Variants in EDA observed in about 807,000 individuals in gnomAD.
EDA encodes ectodysplasin-A.
A neutral mutation model predicts 23.6 loss-of-function variants in EDA; 2 were observed. That is an observed-to-expected ratio of 0.08 (90% CI 0.03 to 0.27). The LOEUF (loss-of-function observed/expected upper bound fraction) is 0.27. Among genes scored for constraint, EDA ranks in the 10% least tolerant of loss-of-function variants. EDA has a pLI of 1.00. For synonymous variants in EDA, 131 were observed against 132.0 expected (o/e 0.99, Z 0.05); for missense variants, 229 against 324.2 (o/e 0.71, Z 2.26).
intron 1 of EDA, chrX:69,670,151 A>T: frequency 3.3e-6 from 1 of 306,714 alleles, no homozygotes; most frequent in Non-Finnish European, 5.6e-6. Context: ...TCTGAATGAC[A>T]GACTTGCTGG....
intron 2 of EDA, among the ~76,000 whole-genome samples, chrX:69,963,712 T>C (rs2019136651): frequency 8.9e-6 from 1 of 111,987 alleles, no homozygotes; most frequent in African/African-American, 3.2e-5. Flanking sequence ...TTAACAAGCA[T>C]TTTTAGAATA....
intron 2 of EDA, among the ~76,000 whole-genome samples, chrX:69,958,685 A>G (rs1278432873): frequency 9.0e-6 from 1 of 111,606 alleles, no homozygotes; most frequent in Non-Finnish European, 1.9e-5. Flanking sequence ...AATGCAGTCC[A>G]TGTAGTAAAA....
chrX:69,714,811 T>C (rs1310072614), intron 1 of EDA, among the ~76,000 whole-genome samples: 1 of 111,487 alleles, frequency 9.0e-6, no homozygotes, highest in Admixed American at 9.6e-5. Flanking sequence ...AGTGTTAATA[T>C]GTGCTAGAGT....
intron 1 of EDA, among the ~76,000 whole-genome samples, chrX:69,952,572 C>T (rs898140384): frequency 6.2e-5 from 7 of 112,093 alleles, no homozygotes; most frequent in African/African-American, 2.3e-4. Flanking sequence ...AAACCATGAA[C>T]TATGTTCAAA....
intron 2 of EDA, among the ~76,000 whole-genome samples, chrX:69,991,225 G>A (rs764766509): frequency 9.0e-5 from 10 of 111,097 alleles, no homozygotes; most frequent in Non-Finnish European, 1.7e-4. Context: ...ATTATGATGC[G>A]TGATTTTTTT....
intron 1 of EDA, among the ~76,000 whole-genome samples, chrX:69,839,535 C>A (rs778209391): frequency 8.9e-6 from 1 of 112,513 alleles, no homozygotes; most frequent in Non-Finnish European, 1.9e-5. Flanking sequence ...TGCCTTGTCA[C>A]AAGAGTAATA....
At chrX:69,814,105 T>C (rs1404309699) in intron 1 of EDA, among the ~76,000 whole-genome samples, 1 of 112,975 alleles carries the variant, frequency 8.9e-6, no homozygotes, top group East Asian at 2.8e-4. Flanking sequence ...ATCATGTTGC[T>C]ACATTTTGGC....
chrX:69,937,738 T>C, intron 1 of EDA: 1 of 1,191,696 alleles, frequency 8.4e-7, no homozygotes, highest in Non-Finnish European at 1.1e-6. Flanking sequence ...AACTGCCAAG[T>C]TGAAGTTCCT....
At chrX:69,680,168 G>C (rs1373795828) in intron 1 of EDA, among the ~76,000 whole-genome samples, 1 of 103,951 alleles carries the variant, frequency 9.6e-6, no homozygotes, top group African/African-American at 3.6e-5. Flanking sequence ...TAGTTTGATT[G>C]CACTGTGGTC....
chrX:69,682,573 G>T (rs1369554321), intron 1 of EDA, among the ~76,000 whole-genome samples: 1 of 112,090 alleles, frequency 8.9e-6, no homozygotes, highest in Admixed American at 9.4e-5. Flanking sequence ...GGGTGGGAGT[G>T]ACCCGATTTT....
chrX:69,681,516 C>T (rs1404578267), intron 1 of EDA, among the ~76,000 whole-genome samples: 1 of 111,053 alleles, frequency 9.0e-6, no homozygotes, highest in Non-Finnish European at 1.9e-5. Context: ...AGGCTTTGCT[C>T]GTTTCTTTTT....
At chrX:69,711,914 A>C (rs1385362770) in intron 1 of EDA, among the ~76,000 whole-genome samples, 1 of 110,926 alleles carries the variant, frequency 9.0e-6, no homozygotes, top group East Asian at 2.8e-4. Context: ...CTAGCAGTCT[A>C]TCAATTTTGT....
intron 1 of EDA, among the ~76,000 whole-genome samples, chrX:69,783,132 A>C (rs2428151): frequency 4.5e-5 from 5 of 110,433 alleles, no homozygotes; most frequent in African/African-American, 1.6e-4. Flanking sequence ...TAGTGGGCCA[A>C]GGGTAGATAT....
chrX:70,020,284 G>T (rs1374402432), intron 2 of EDA, among the ~76,000 whole-genome samples: 2 of 111,916 alleles, frequency 1.8e-5, no homozygotes, highest in Non-Finnish European at 3.8e-5. Context: ...GGGGCCGGGT[G>T]CAGTGGCTCA....
chrX:69,762,163 A>G (rs1315549595), intron 1 of EDA, among the ~76,000 whole-genome samples: 3 of 111,594 alleles, frequency 2.7e-5, no homozygotes, highest in African/African-American at 9.8e-5. Context: ...GTGACTGGAA[A>G]GTAATCATGC....
At chrX:69,682,758 G>A (rs766125808) in intron 1 of EDA, among the ~76,000 whole-genome samples, 1 of 111,198 alleles carries the variant, frequency 9.0e-6, no homozygotes, top group Non-Finnish European at 1.9e-5. Flanking sequence ...TATGTCAGAT[G>A]GAAACGCAGA....
At chrX:69,890,485 C>T (rs2017908024) in intron 1 of EDA, among the ~76,000 whole-genome samples, 1 of 110,531 alleles carries the variant, frequency 9.0e-6, no homozygotes, top group Non-Finnish European at 1.9e-5. Flanking sequence ...TACTATATTA[C>T]TATACTACCC....
At chrX:69,964,710 A>G (rs1388214127) in intron 2 of EDA, among the ~76,000 whole-genome samples, 1 of 111,416 alleles carries the variant, frequency 9.0e-6, no homozygotes. Flanking sequence ...CTGAGTGGTG[A>G]ACTGCTAGCT....
At chrX:69,722,397 G>A (rs765417030) in intron 1 of EDA, among the ~76,000 whole-genome samples, 72 of 109,597 alleles carry the variant, frequency 6.6e-4, no homozygotes, top group Non-Finnish European at 1.2e-3. Context: ...TAGTAGAGAC[G>A]GGGTTTCACC....
Sources: allele counts gnomAD v4.1 joint callset (sites outside exome capture counted in the v4.1 genomes callset), GRCh38; gene constraint gnomAD v4.1.1; transcripts MANE v1.5; gene names NCBI Gene and HGNC (gene_info 2026-07-23, HGNC 2026-07-21).